COG5: variants seen among roughly 807,000 people sequenced by gnomAD.
COG5 encodes the protein component of oligomeric golgi complex 5, also known as conserved oligomeric Golgi complex subunit 5.
A neutral mutation model predicts 110.4 loss-of-function variants in COG5; 86 were observed. The ratio of observed to expected loss-of-function variants is 0.78; its 90% CI spans 0.65 to 0.93. The LOEUF is 0.93. Among genes scored for constraint, COG5 ranks in the 40% least tolerant of loss-of-function variants. The probability of loss-of-function intolerance (pLI) is 0.00; values close to 1 mark genes in which losing one functional copy is unlikely to be tolerated. For missense variants in COG5, 1,077 were observed against 987.0 expected, an observed-to-expected ratio of 1.09 and a Z score of -1.22; for synonymous variants, 360 against 334.6, an observed-to-expected ratio of 1.08 and a Z score of -0.83.
intron 6 of COG5, among the ~76,000 whole-genome samples, chr7:107,469,019 AAATTT>A (rs556615137): frequency 0.022 from 3,313 of 149,936 alleles, 54 homozygotes; most frequent in Middle Eastern, 0.039. Flanking sequence ...AATTTAATTT[AAATTT>A]AATTTAATTT....
At chr7:107,508,113 G>C (rs1463228944) in intron 6 of COG5, among the ~76,000 whole-genome samples, 4 of 152,224 alleles carry the variant, frequency 2.6e-5, no homozygotes, top group Non-Finnish European at 5.9e-5. Context: ...AGGGGTCAGG[G>C]AGTTCCCTTT....
At chr7:107,355,281 G>A (rs1812522561) in intron 10 of COG5, among the ~76,000 whole-genome samples, 2 of 152,168 alleles carry the variant, frequency 1.3e-5, no homozygotes, top group Admixed American at 6.5e-5. Context: ...TGGCAAGGAT[G>A]GGGAACAAAA....
At chr7:107,562,976 C>A (rs1379565520) in intron 1 of COG5, among the ~76,000 whole-genome samples, 1 of 152,010 alleles carries the variant, frequency 6.6e-6, no homozygotes, top group African/African-American at 2.4e-5. Flanking sequence ...AACAAGTATA[C>A]AAATGATTTT....
At chr7:107,479,185 C>T (rs565659263) in intron 6 of COG5, among the ~76,000 whole-genome samples, 1 of 151,878 alleles carries the variant, frequency 6.6e-6, no homozygotes, top group Non-Finnish European at 1.5e-5. Context: ...AATTTAAGAA[C>T]AGTAAAAAGA....
At chr7:107,539,396 G>A (rs1801817458) in intron 5 of COG5, among the ~76,000 whole-genome samples, 1 of 152,154 alleles carries the variant, frequency 6.6e-6, no homozygotes, top group Non-Finnish European at 1.5e-5. Context: ...ACTGACATAT[G>A]CTACAATATG....
rs985525631 is a variant in COG5 at position 107,487,658 on chromosome 7, GA to G, written c.538+39578del. ...TTCAACTTCTAAAATGTATCATAAG[GA>G]AAAAAATTGAACAACTGTGCAAAGA... is the stretch of plus-strand genomic sequence containing the variant. On this transcript the variant is annotated intron_variant, in intron 6 of 21. Coordinates refer to ENST00000297135, the MANE Select transcript of COG5 (RefSeq NM_006348.5). Among the ~76,000 whole-genome samples, 6 of 150,886 alleles carry G rather than the reference GA, an allele frequency of 4.0e-5. No individual in the cohort carries two copies. The East Asian group carries it at 1.2e-3, about 29-fold the overall frequency.
At chr7:107,482,527 T>G (rs944374764) in intron 6 of COG5, among the ~76,000 whole-genome samples, 1 of 152,030 alleles carries the variant, frequency 6.6e-6, no homozygotes, top group East Asian at 1.9e-4. Context: ...GAAGACAGAC[T>G]ATGTATCAAG....
intron 19 of COG5, among the ~76,000 whole-genome samples, chr7:107,212,691 C>T (rs1383867065): frequency 6.6e-6 from 1 of 152,170 alleles, no homozygotes; most frequent in Non-Finnish European, 1.5e-5. Context: ...CATTGCCCAC[C>T]CACAGAAAAT....
In COG5 at chr7:107,211,107, G is replaced by A. The variant is rs749539702; in HGVS notation, c.2287C>T (p.Pro763Ser). 3 of 1,614,126 alleles carry A rather than the reference G, an allele frequency of 1.9e-6. No homozygotes were observed. Among genetic ancestry groups the A allele is most frequent in the Non-Finnish European group, 2.5e-6 (3 of 1,180,004 alleles). The part of the protein sequence containing the change: ...FTRAPAELKS[P>S]FQRAEWSHTR... ...TTGACTTTATTTATTACCTGGAAAG[G>A]AGATTTCAGTTCAGCGGGTGCTCTC... is the stretch of plus-strand genomic sequence containing the variant. The change falls in exon 20 of 22, where the codon CCT becomes TCT. Residue 763 changes from proline (P) to serine (S), a missense_variant. Coordinates refer to ENST00000297135, the MANE Select transcript of COG5 (RefSeq NM_006348.5).
intron 6 of COG5, among the ~76,000 whole-genome samples, chr7:107,496,380 T>C (rs762075388): frequency 1.6e-4 from 25 of 152,050 alleles, no homozygotes; most frequent in Non-Finnish European, 2.8e-4. Context: ...ATCAACTGAC[T>C]GGGCACAGTG....
At chr7:107,239,474 T>G in intron 17 of COG5, among the ~76,000 whole-genome samples, 1 of 152,226 alleles carries the variant, frequency 6.6e-6, no homozygotes, top group East Asian at 1.9e-4. Context: ...GATTACTTTT[T>G]TCTATTTCTG....
chr7:107,204,693 C>G (rs1342689453), intron 21 of COG5, among the ~76,000 whole-genome samples: 1 of 152,084 alleles, frequency 6.6e-6, no homozygotes, highest in Non-Finnish European at 1.5e-5. Flanking sequence ...AAAACATTTC[C>G]CCAGAGTCTG....
At chr7:107,480,902 A>G (rs1423498817) in intron 6 of COG5, 1 of 152,182 alleles carries the variant, frequency 6.6e-6, no homozygotes, top group African/African-American at 2.4e-5. Flanking sequence ...AATCACAATA[A>G]TATTTCTTCC....
At chr7:107,262,123 T>C (rs1013759904) in intron 14 of COG5, among the ~76,000 whole-genome samples, 6 of 152,102 alleles carry the variant, frequency 3.9e-5, no homozygotes, top group African/African-American at 1.4e-4. Context: ...ACTCCTGGCC[T>C]CAAGTGATCC....
intron 7 of COG5, among the ~76,000 whole-genome samples, chr7:107,394,461 T>C (rs1012132843): frequency 1.4e-4 from 22 of 152,080 alleles, no homozygotes; most frequent in Non-Finnish European, 2.1e-4. Context: ...GAAAATAAAA[T>C]TCCACAAAAA....
chr7:107,287,363 C>A (rs1720266245), intron 12 of COG5, among the ~76,000 whole-genome samples: 4 of 152,134 alleles, frequency 2.6e-5, no homozygotes, highest in African/African-American at 9.7e-5. Flanking sequence ...TGTGATAGTT[C>A]TTGTTATCAG....
chr7:107,342,696 A>G (rs1215041069), intron 10 of COG5, among the ~76,000 whole-genome samples: 4 of 149,524 alleles, frequency 2.7e-5, no homozygotes, highest in Non-Finnish European at 5.9e-5. Context: ...AAAACCAAAC[A>G]AAAAAAAACC....
intron 6 of COG5, among the ~76,000 whole-genome samples, chr7:107,492,307 C>T (rs779452507): frequency 6.6e-6 from 1 of 151,920 alleles, no homozygotes; most frequent in African/African-American, 2.4e-5. Flanking sequence ...ATGTAACTGA[C>T]GTGGTACAAA....
chr7:107,232,498 C>T (rs1800849161), intron 18 of COG5, among the ~76,000 whole-genome samples: 1 of 152,182 alleles, frequency 6.6e-6, no homozygotes, highest in African/African-American at 2.4e-5. Flanking sequence ...TCACTGTCTT[C>T]AAAGACAACC....
Sources: gnomAD v4.1 joint callset for allele counts (sites outside exome capture counted in the v4.1 genomes callset) on GRCh38, gnomAD v4.1.1 for gene constraint, MANE v1.5 for transcripts, NCBI Gene and HGNC (gene_info 2026-07-23, HGNC 2026-07-21) for gene names.